The following FGF13 variants were observed in gnomAD, a reference collection of about 807,000 sequenced individuals.
FGF13 encodes the protein fibroblast growth factor 13, also known as fibroblast growth factor homologous factor 2.
In FGF13, 2 loss-of-function variants were observed where a neutral mutation model predicts 19.5. That is an observed-to-expected ratio of 0.10 (90% CI 0.04 to 0.32). FGF13 has a LOEUF of 0.32. Among genes scored for constraint, FGF13 ranks in the 10% least tolerant of loss-of-function variants. The probability of loss-of-function intolerance (pLI) is 1.00; values close to 1 mark genes in which losing one functional copy is unlikely to be tolerated. For synonymous variants in FGF13, 72 were observed against 76.9 expected (o/e 0.94, Z 0.33); for missense variants, 113 against 192.7 (o/e 0.59, Z 2.45).
intron 1 of FGF13, among the ~76,000 whole-genome samples, chrX:138,996,145 A>G (rs1214685906): frequency 8.9e-6 from 1 of 111,927 alleles, no homozygotes; most frequent in African/African-American, 3.3e-5. Flanking sequence ...TGCATTTCCA[A>G]TTGAGGAACC....
chrX:138,963,803 T>TA (rs1296560827), intron 1 of FGF13, among the ~76,000 whole-genome samples: 8 of 112,004 alleles, frequency 7.1e-5, no homozygotes, highest in African/African-American at 2.3e-4. Flanking sequence ...TTTGAATGTT[T>TA]AAAAAAGCAG....
chrX:139,057,722 G>A (rs2092324332), intron 1 of FGF13, among the ~76,000 whole-genome samples: 2 of 112,089 alleles, frequency 1.8e-5, no homozygotes, highest in South Asian at 3.7e-4. Context: ...AATGATTACC[G>A]ATACATGTCA....
chrX:139,078,371 GCA>G (rs1451496748), intron 1 of FGF13, among the ~76,000 whole-genome samples: 1 of 111,024 alleles, frequency 9.0e-6, no homozygotes, highest in Admixed American at 9.7e-5. Flanking sequence ...TGGTACCATT[GCA>G]CAGTGCTCAC....
chrX:139,099,597 C>T (rs1173427087), intron 1 of FGF13, among the ~76,000 whole-genome samples: 1 of 109,951 alleles, frequency 9.1e-6, no homozygotes, highest in East Asian at 2.9e-4. Context: ...CTCCCCTGTC[C>T]TTGTCTCTGG....
chrX:138,659,146 T>C (rs2089464896), intron 3 of FGF13, among the ~76,000 whole-genome samples: 1 of 111,653 alleles, frequency 9.0e-6, no homozygotes, highest in East Asian at 2.8e-4. Context: ...TCTGAAGCAA[T>C]GAGCTAAAAA....
chrX:139,107,007 T>C (rs1027105683), intron 1 of FGF13, among the ~76,000 whole-genome samples: 1 of 105,510 alleles, frequency 9.5e-6, no homozygotes, highest in Admixed American at 1.0e-4. Flanking sequence ...GCCAAAGCTA[T>C]GCTATTTTTT....
rs189250233 is a variant in FGF13 at position 139,167,262 on chromosome X, T to C, written c.-113+36154A>G. Among the ~76,000 whole-genome samples the C allele has an allele frequency of 5.9e-3, 663 of 112,073 alleles. 2 individuals are homozygous for C. Among genetic ancestry groups the C allele is most frequent in the African/African-American group, 0.02 (611 of 30,893 alleles). Reference sequence around the variant, plus strand: ...CTTCAAGAGTAACTTGTATATACCCTGTACTTGGCATAGTAGCTGGCGTAT... The same window carrying C: ...CTTCAAGAGTAACTTGTATATACCCCGTACTTGGCATAGTAGCTGGCGTAT... On this transcript the variant is annotated intron_variant, in intron 1 of 2. Coordinates refer to the FGF13 transcript ENST00000421460.
chrX:139,105,999 G>A (rs1319063204), intron 1 of FGF13, among the ~76,000 whole-genome samples: 1 of 112,206 alleles, frequency 8.9e-6, no homozygotes, highest in Non-Finnish European at 1.9e-5. Context: ...GATACAGATT[G>A]TGGAGAGGCA....
At chrX:138,696,855 A>C (rs748764086) in intron 3 of FGF13, among the ~76,000 whole-genome samples, 4 of 112,300 alleles carry the variant, frequency 3.6e-5, no homozygotes, top group African/African-American at 1.3e-4. Context: ...CATTCTAAGA[A>C]TATTTATGCA....
chrX:138,614,964 T>C lies in FGF13; in HGVS notation c.*17886A>G, dbSNP rs2124057332. On this transcript the variant is annotated 3_prime_UTR_variant, in exon 5 of 5. Coordinates refer to ENST00000315930, the MANE Select transcript of FGF13 (RefSeq NM_004114.5). The stretch of plus-strand genomic sequence containing the variant: ...TATATACTGTATGATGACATTTATA[T>C]AACAATTCTGAAATAATAAAATTAT... 1 of 112,457 alleles carries C rather than the reference T, an allele frequency of 8.9e-6. No homozygotes were observed. The highest frequency in any genetic ancestry group is 1.9e-5 in the Non-Finnish European group (1 of 53,270). 9.3% of individuals were successfully genotyped at this position (112,457 alleles called of 1,213,427 possible). A position where few individuals can be genotyped will look rare whatever the true frequency, so the allele number is the denominator to read the frequency against.
At position 138,622,284 on chromosome X, in the gene FGF13, TA is replaced by T. The variant is rs2089021614; in HGVS notation, c.*10565del. On this transcript the variant is annotated 3_prime_UTR_variant, in exon 5 of 5. Transcript: ENST00000315930. Reference sequence around the variant, plus strand: ...AATCAAGTGAGAGTTATCCCTGGGATAAAAGGATGGCTCAACATACTCAAAT... The same window carrying T: ...AATCAAGTGAGAGTTATCCCTGGGATAAAGGATGGCTCAACATACTCAAAT... 1 of 111,225 alleles carries T rather than the reference TA, an allele frequency of 9.0e-6. No individual in the cohort carries two copies. Among genetic ancestry groups the T allele is most frequent in the Non-Finnish European group, 1.9e-5 (1 of 52,953 alleles). 9.2% of individuals were successfully genotyped at this position (111,225 alleles called of 1,213,427 possible).
chrX:138,943,092 C>T (rs1264203010), intron 1 of FGF13, among the ~76,000 whole-genome samples: 1 of 111,837 alleles, frequency 8.9e-6, no homozygotes, highest in Non-Finnish European at 1.9e-5. Context: ...AAATACTGTG[C>T]ATATATATAT....
chrX:139,064,959 A>G (rs1284526380), intron 1 of FGF13, among the ~76,000 whole-genome samples: 3 of 110,969 alleles, frequency 2.7e-5, no homozygotes, highest in Non-Finnish European at 5.7e-5. Context: ...CTCTTGATCA[A>G]TTTGGCTATT....
At chrX:139,156,531 C>T (rs762991685) in intron 1 of FGF13, among the ~76,000 whole-genome samples, 1 of 112,617 alleles carries the variant, frequency 8.9e-6, no homozygotes, top group Non-Finnish European at 1.9e-5. Context: ...TGGTAAGGCC[C>T]ATGTGGCAAG....
chrX:138,696,266 T>G (rs1293200204), intron 3 of FGF13, among the ~76,000 whole-genome samples: 1 of 112,357 alleles, frequency 8.9e-6, no homozygotes, highest in Non-Finnish European at 1.9e-5. Flanking sequence ...TCCTTTTGTA[T>G]GAAATGTTCC....
intron 1 of FGF13, among the ~76,000 whole-genome samples, chrX:138,989,752 G>A (rs72616257): frequency 4.9e-5 from 5 of 102,396 alleles, no homozygotes; most frequent in South Asian, 4.4e-4. Flanking sequence ...ACTATTAACT[G>A]AAAAAAAAAA....
intron 1 of FGF13, among the ~76,000 whole-genome samples, chrX:138,867,360 A>G (rs1217282107): frequency 1.8e-5 from 2 of 111,380 alleles, no homozygotes; most frequent in Non-Finnish European, 1.9e-5. Context: ...TCGAGGCTGC[A>G]GTGACCTATG....
intron 3 of FGF13, among the ~76,000 whole-genome samples, chrX:138,814,003 T>C (rs906097095): frequency 1.6e-4 from 18 of 110,508 alleles, no homozygotes; most frequent in African/African-American, 5.9e-4. Flanking sequence ...TTGTTAAATA[T>C]ACTTTTCACA....
chrX:138,692,442 A>T (rs1307147321), intron 3 of FGF13, among the ~76,000 whole-genome samples: 1 of 106,254 alleles, frequency 9.4e-6, no homozygotes, highest in Non-Finnish European at 1.9e-5. Flanking sequence ...ACGAGGAGAT[A>T]GAGACTAAAA....
Sources: allele counts gnomAD v4.1 joint callset (sites outside exome capture counted in the v4.1 genomes callset), GRCh38; gene constraint gnomAD v4.1.1; transcripts MANE v1.5; gene names NCBI Gene and HGNC (gene_info 2026-07-23, HGNC 2026-07-21).